Variants in VIPR2 observed in about 807,000 individuals in gnomAD.
VIPR2 encodes vasoactive intestinal polypeptide receptor 2.
Under a neutral mutation model 58.0 loss-of-function variants are expected in VIPR2, and 48 were observed. That is an observed-to-expected ratio of 0.83 (90% CI 0.66 to 1.05). The LOEUF (loss-of-function observed/expected upper bound fraction) is 1.05. VIPR2 is among the 50% of genes least tolerant of loss of function. The pLI is 0.00. For synonymous variants in VIPR2, 243 were observed against 235.2 expected, an observed-to-expected ratio of 1.03 and a Z score of -0.30; for missense variants, 534 against 558.0, an observed-to-expected ratio of 0.96 and a Z score of 0.43.
intron 5 of VIPR2, among the ~76,000 whole-genome samples, chr7:159,054,423 A>G (rs1855183273): frequency 3.3e-5 from 5 of 152,212 alleles, no homozygotes; most frequent in Admixed American, 2.6e-4. Flanking sequence ...TGGAGACAAA[A>G]TCCGTAATAC....
intron 4 of VIPR2, among the ~76,000 whole-genome samples, chr7:159,076,751 G>A (rs1856655902): frequency 6.6e-6 from 1 of 152,166 alleles, no homozygotes; most frequent in Admixed American, 6.5e-5. Flanking sequence ...TTACTCAAAT[G>A]TTTTTTAAGT....
intron 6 of VIPR2, among the ~76,000 whole-genome samples, chr7:159,038,219 T>TGAGCCCTGCAGGCGGCCCCGACCTCCCCA (rs1280329702): frequency 2.0e-5 from 3 of 151,956 alleles, no homozygotes; most frequent in African/African-American, 7.2e-5. Context: ...CGACCTCCCC[T>TGAGCCCTGCAGGCGGCCCCGACCTCCCCA]GAGCCCTGCA....
Position 159,096,833 on chromosome 7 carries a change from A to G in VIPR2, c.357+6924T>C, listed in dbSNP as rs1265830158. 6.8e-7 allele frequency: 1 copy of G among 1,476,264 alleles called. No homozygotes were observed. The highest frequency in any genetic ancestry group is 1.4e-5 in the African/African-American group (1 of 70,902). 91.4% of individuals were successfully genotyped at this position (1,476,264 alleles called of 1,614,324 possible). ...ACAGGCCCAGCTCTTGTCCCGGCCC[A>G]CCTCGGGATGCTTCCGCCGTACTGT... On this transcript the variant is annotated intron_variant, in intron 4 of 12. Coordinates refer to ENST00000262178, the MANE Select transcript of VIPR2 (RefSeq NM_003382.5). This position sits in a 1 kb window ranked among gnomAD's most constrained non-coding sequence, Gnocchi z 5.5.
Position 159,028,443 on chromosome 7 carries a change from C to T in VIPR2, c.*2173G>A, listed in dbSNP as rs971933536. ...ATGACTGATGACTGCCCACACCCAA[C>T]CACCGACCATCAACAACCAGTGCCT... On this transcript the variant is annotated 3_prime_UTR_variant, in exon 13 of 13. Transcript: ENST00000262178. 1 of 152,476 alleles carries T rather than the reference C, an allele frequency of 6.6e-6. No individual in the cohort carries two copies. The highest frequency in any genetic ancestry group is 2.4e-5 in the African/African-American group (1 of 41,468). The allele number at this position is 152,476 out of a possible 1,614,324, so 9.4% of individuals were successfully genotyped here. A position where few individuals can be genotyped will look rare whatever the true frequency, so the allele number is the denominator to read the frequency against.
intron 4 of VIPR2, among the ~76,000 whole-genome samples, chr7:159,077,032 C>T (rs1052341530): frequency 9.2e-5 from 14 of 152,152 alleles, no homozygotes; most frequent in African/African-American, 2.9e-4. Flanking sequence ...GCTAATAACC[C>T]CTTTGGTTAT....
At chr7:159,140,343 G>A (rs1797412586) in intron 2 of VIPR2, among the ~76,000 whole-genome samples, 1 of 152,146 alleles carries the variant, frequency 6.6e-6, no homozygotes, top group South Asian at 2.1e-4. Flanking sequence ...CTCAGCCTCA[G>A]CCTGTAGATT....
At chr7:159,032,154 T>C in intron 10 of VIPR2, 87 bp from the exon 11 acceptor site, 4 of 1,560,604 alleles carry the variant, frequency 2.6e-6, no homozygotes, top group Non-Finnish European at 3.5e-6. Context: ...AGGGGGCAGC[T>C]GGGTGTGGGA....
At position 159,110,387 on chromosome 7, in the gene VIPR2, C is replaced by T. The variant is rs193095413; in HGVS notation, c.152-468G>A. On this transcript the variant is annotated intron_variant, in intron 2 of 12. Transcript: ENST00000262178. ...TATTAGCAACAAAATCTTAGGTTAC[C>T]TTCATGGAGTTGTCAAATAATTTGC... 2.9e-3 allele frequency among the ~76,000 whole-genome samples: 440 copies of T among 152,284 alleles called. 1 individual carries two copies. The highest frequency in any genetic ancestry group is 5.6e-3 in the Non-Finnish European group (383 of 68,026).
intron 4 of VIPR2, chr7:159,059,254 A>T (rs1399181678): frequency 2.1e-6 from 1 of 471,138 alleles, no homozygotes; most frequent in Admixed American, 2.3e-5. Context: ...AAGGAAAACC[A>T]GTGCCTGTTG....
chr7:159,072,894 A>T (rs1477628551), intron 4 of VIPR2, among the ~76,000 whole-genome samples: 1 of 152,260 alleles, frequency 6.6e-6, no homozygotes, highest in Non-Finnish European at 1.5e-5. Flanking sequence ...TCAAAACTTC[A>T]ACGAAATGGT....
At chr7:159,087,792 G>T (rs1857268742) in intron 4 of VIPR2, among the ~76,000 whole-genome samples, 1 of 142,854 alleles carries the variant, frequency 7.0e-6, no homozygotes, top group Admixed American at 6.9e-5. Context: ...CCAGGACTTG[G>T]ATAGTGAGAT....
At chr7:159,122,420 TCTC>T (rs1396283636) in intron 2 of VIPR2, among the ~76,000 whole-genome samples, 1 of 152,198 alleles carries the variant, frequency 6.6e-6, no homozygotes, top group Non-Finnish European at 1.5e-5. Context: ...CTGGACGTCA[TCTC>T]CTGAGCCACT....
chr7:159,123,229 G>C (rs6949154), intron 2 of VIPR2, among the ~76,000 whole-genome samples: 2,372 of 136,162 alleles, frequency 0.017, 59 homozygotes, highest in African/African-American at 0.058. Context: ...GGAGGCAGAG[G>C]TTGCAGTGAG....
intron 2 of VIPR2, among the ~76,000 whole-genome samples, chr7:159,123,605 G>A (rs766739436): frequency 1.3e-5 from 2 of 152,186 alleles, no homozygotes; most frequent in Non-Finnish European, 2.9e-5. Context: ...GAATGGAGCT[G>A]CAATGAACAT....
intron 2 of VIPR2, among the ~76,000 whole-genome samples, chr7:159,131,448 C>G (rs1051972608): frequency 1.3e-5 from 2 of 152,174 alleles, no homozygotes; most frequent in African/African-American, 4.8e-5. Context: ...CTTCCTTTAT[C>G]CCCTTTCTTT....
intron 2 of VIPR2, among the ~76,000 whole-genome samples, chr7:159,136,829 G>T (rs542312968): frequency 6.6e-6 from 1 of 152,152 alleles, no homozygotes; most frequent in South Asian, 2.1e-4. Context: ...AATTGTTACT[G>T]CTGTGGCCAT....
chr7:159,127,913 AC>A lies in VIPR2; in HGVS notation c.151+14532del, dbSNP rs1796714153. ...GGGTGAACATTCAAGGCCTCAAGGC[AC>A]GGGGAGTCCTGCCGTGCTATTCCAA... On this transcript the variant is annotated intron_variant, in intron 2 of 12. Transcript: ENST00000262178. This position sits in a 1 kb window ranked among gnomAD's most constrained non-coding sequence, Gnocchi z 4.6. Among the ~76,000 whole-genome samples, 1 of 152,142 alleles carries A rather than the reference AC, an allele frequency of 6.6e-6. No homozygotes were observed. The highest frequency in any genetic ancestry group is 1.5e-5 in the Non-Finnish European group (1 of 68,020).
intron 2 of VIPR2, 88 bp downstream of exon 2, chr7:159,142,358 A>G: frequency 1.2e-6 from 1 of 829,372 alleles, no homozygotes; most frequent in Non-Finnish European, 1.9e-6. Context: ...TTTAAGATGC[A>G]GGTGGTGACC....
chr7:159,120,473 A>G (rs1009181314), intron 2 of VIPR2, among the ~76,000 whole-genome samples: 3 of 152,324 alleles, frequency 2.0e-5, no homozygotes, highest in South Asian at 4.1e-4. Context: ...GGCCACCAGG[A>G]TTCTTTTATG....
Sources: allele counts gnomAD v4.1 joint callset (sites outside exome capture counted in the v4.1 genomes callset), GRCh38; gene constraint gnomAD v4.1.1; non-coding constraint Gnocchi (gnomAD v3.1); transcripts MANE v1.5; gene names NCBI Gene and HGNC (gene_info 2026-07-23, HGNC 2026-07-21).